The following MANBA variants were observed in gnomAD, a reference collection of about 807,000 sequenced individuals.
MANBA encodes mannosidase beta.
A neutral mutation model predicts 111.1 loss-of-function variants in MANBA; 83 were observed. The observed-to-expected ratio is 0.75, with a 90% CI of 0.63 to 0.90. MANBA has a LOEUF of 0.90. Among genes scored for constraint, MANBA ranks in the 40% least tolerant of loss-of-function variants. The probability of loss-of-function intolerance (pLI) is 0.00; values close to 1 mark genes in which losing one functional copy is unlikely to be tolerated. For missense variants in MANBA, 1,036 were observed against 1,069.0 expected (o/e 0.97, Z 0.43); for synonymous variants, 370 against 378.7 (o/e 0.98, Z 0.27).
At position 102,714,507 on chromosome 4, in the gene MANBA, A is replaced by C; in HGVS notation, c.604T>G (p.Trp202Gly). ...TAGGCTTCAATTCTAACATCTTTCCAGATTCCCTGGGTAGGAAAGGAAGGC... is the reference window on the plus strand; with the variant it reads ...TAGGCTTCAATTCTAACATCTTTCCCGATTCCCTGGGTAGGAAAGGAAGGC... ...WGPSFPTQGI[W>G]KDVRIEAYNI... The change falls in exon 5 of 17, where the codon TGG becomes GGG. Residue 202 changes from tryptophan (W) to glycine (G), a missense_variant. Transcript: ENST00000647097. The C allele has an allele frequency of 6.2e-7, 1 of 1,605,354 alleles. No homozygotes were observed. Among genetic ancestry groups the C allele is most frequent in the Non-Finnish European group, 8.5e-7 (1 of 1,172,004 alleles).
chr4:102,644,052 C>A (rs182425553), intron 13 of MANBA, among the ~76,000 whole-genome samples: 15 of 152,120 alleles, frequency 9.9e-5, no homozygotes, highest in Admixed American at 4.6e-4. Context: ...GATCTTTGAT[C>A]CATTTTGAGT....
intron 7 of MANBA, among the ~76,000 whole-genome samples, chr4:102,676,007 C>T (rs529498059): frequency 7.6e-4 from 116 of 152,154 alleles, no homozygotes; most frequent in Non-Finnish European, 3.2e-4. Context: ...CAACCTATAA[C>T]TGCACTATCT....
chr4:102,710,549 T>G (rs10008821), intron 5 of MANBA, among the ~76,000 whole-genome samples: 4,225 of 152,074 alleles, frequency 0.028, 136 homozygotes, highest in African/African-American at 0.078. Flanking sequence ...TGCTCATGGG[T>G]TGGAAGAATT....
chr4:102,737,746 T>A (rs2110203649), intron 1 of MANBA, among the ~76,000 whole-genome samples: 1 of 152,254 alleles, frequency 6.6e-6, no homozygotes, highest in East Asian at 1.9e-4. Context: ...CCTCCCAAAC[T>A]GCTGGGATGA....
chr4:102,659,517 T>C (rs1578877587), intron 11 of MANBA, among the ~76,000 whole-genome samples: 1 of 152,190 alleles, frequency 6.6e-6, no homozygotes, highest in Non-Finnish European at 1.5e-5. Context: ...TTTGGTACTA[T>C]AGCCAACAAA....
chr4:102,695,681 T>G (rs1732674233), intron 5 of MANBA, among the ~76,000 whole-genome samples: 2 of 152,096 alleles, frequency 1.3e-5, no homozygotes, highest in South Asian at 4.1e-4. Flanking sequence ...AGGCCAAGGG[T>G]CCAGGTTTCC....
rs1724202035 is a variant in MANBA, at chr4:102,760,574, G to T, written c.177+144C>A. ...CCCCATAGCTTGGGCATTTCCCCCC[G>T]CAGATCACAAGATGCAAAGGGGAAG... On this transcript the variant is annotated intron_variant, in intron 1 of 16. Coordinates refer to ENST00000647097, the MANE Select transcript of MANBA (RefSeq NM_005908.4). The T allele has an allele frequency of 4.3e-6, 4 of 931,638 alleles. No individual in the cohort carries two copies. The Admixed American group carries it at 8.8e-5, about 21-fold the overall frequency. The allele number at this position is 931,638 out of a possible 1,614,324, so 57.7% of individuals were successfully genotyped here.
intron 13 of MANBA, among the ~76,000 whole-genome samples, chr4:102,641,713 A>C (rs188749486): frequency 6.6e-6 from 1 of 152,296 alleles, no homozygotes; most frequent in East Asian, 1.9e-4. Flanking sequence ...CATTATCTGC[A>C]AGATATATTT....
chr4:102,723,789 TTTCTC>T (rs1560798602), intron 3 of MANBA, 68 bp downstream of exon 3: 2 of 828,478 alleles, frequency 2.4e-6, no homozygotes, highest in Non-Finnish European at 4.0e-6. Flanking sequence ...TGCATTTACT[TTTCTC>T]TACTCACAAA....
At chr4:102,715,132 G>A (rs532567572) in intron 4 of MANBA, among the ~76,000 whole-genome samples, 2 of 152,212 alleles carry the variant, frequency 1.3e-5, no homozygotes, top group South Asian at 4.1e-4. Context: ...CCAGCATATA[G>A]CAAAAATGAT....
chr4:102,668,924 T>C lies in MANBA; in HGVS notation c.1317+39A>G, dbSNP rs770158586. 43 of 1,492,870 alleles carry C rather than the reference T, an allele frequency of 2.9e-5. No individual in the cohort carries two copies. The South Asian group carries it at 5.0e-4, about 17-fold the overall frequency. 92.5% of individuals were successfully genotyped at this position (1,492,870 alleles called of 1,614,324 possible). A position where few individuals can be genotyped will look rare whatever the true frequency, so the allele number is the denominator to read the frequency against. ...TAACAAAAGGCAATACTAAAACATA[T>C]TATTTGTTTTATTTCTTCTTGGAAG... is the stretch of plus-strand genomic sequence containing the variant. On this transcript the variant is annotated intron_variant, in intron 10 of 16. Transcript: ENST00000647097.
chr4:102,760,873 G>A lies in MANBA; in HGVS notation c.22C>T (p.Leu8=), dbSNP rs1282590012. MRLHLLL[L]LALCGAGTTA... ...GTGCCTGCACCGCACAGCGCGAGCA[G>A]CAGGAGCAGGTGGAGGCGCATCTTG... The change falls in exon 1 of 17, where the codon CTG becomes TTG. Residue 8 remains leucine, a synonymous_variant. Transcript: ENST00000647097. 6.4e-6 allele frequency: 10 copies of A among 1,571,070 alleles called. No individual in the cohort carries two copies. The highest frequency in any genetic ancestry group is 8.6e-6 in the Non-Finnish European group (10 of 1,160,256).
chr4:102,750,449 A>G (rs1387777364), intron 1 of MANBA, among the ~76,000 whole-genome samples: 2 of 152,182 alleles, frequency 1.3e-5, no homozygotes, highest in African/African-American at 4.8e-5. Context: ...ATGTATGTTT[A>G]GTCATTTTGG....
At chr4:102,742,025 T>C (rs1314045585) in intron 1 of MANBA, among the ~76,000 whole-genome samples, 1 of 152,196 alleles carries the variant, frequency 6.6e-6, no homozygotes, top group Non-Finnish European at 1.5e-5. Context: ...CAGGGCATGG[T>C]AATACTATGA....
chr4:102,739,777 T>C (rs935767537), intron 1 of MANBA, among the ~76,000 whole-genome samples: 5 of 152,212 alleles, frequency 3.3e-5, no homozygotes, highest in Non-Finnish European at 5.9e-5. Flanking sequence ...AAAATTGGCA[T>C]AGAAGGGACA....
At chr4:102,727,753 T>C in intron 1 of MANBA, 2 of 773,890 alleles carry the variant, frequency 2.6e-6, no homozygotes, top group Non-Finnish European at 4.5e-6. Flanking sequence ...GTGTTTTCCA[T>C]AAAAATGTTT....
At chr4:102,687,210 T>C (rs1732256998) in intron 7 of MANBA, among the ~76,000 whole-genome samples, 2 of 152,100 alleles carry the variant, frequency 1.3e-5, no homozygotes, top group Admixed American at 1.3e-4. Context: ...ATATCCTAAA[T>C]CTCTTTCAGA....
rs776399557 is a variant in MANBA, at chr4:102,671,319, C to T, written c.1192G>A (p.Asp398Asn). The stretch of plus-strand genomic sequence containing the variant: ...TCATCACAGAGTTCATAGAATTCAT[C>T]CTGCTCATAAATTCCTCCTCCCCAA... ...RVWGGGIYEQ[D>N]EFYELCDELG... is the part of the protein sequence containing the mutation. The change falls in exon 9 of 17, where the codon GAT (aspartate) becomes AAT (asparagine). Residue 398 changes from aspartate to asparagine, a missense_variant. Asp to Asn is a conservative substitution (Grantham distance 23). Transcript: ENST00000647097. 3.1e-6 allele frequency: 5 copies of T among 1,601,062 alleles called. No individual in the cohort carries two copies. Among genetic ancestry groups the T allele is most frequent in the Non-Finnish European group, 4.3e-6 (5 of 1,168,384 alleles).
intron 1 of MANBA, among the ~76,000 whole-genome samples, chr4:102,743,152 T>C (rs574656118): frequency 1.3e-5 from 2 of 152,360 alleles, no homozygotes; most frequent in South Asian, 4.1e-4. Flanking sequence ...TCACATGGGA[T>C]ACAAATATCT....
Sources: allele counts gnomAD v4.1 joint callset (sites outside exome capture counted in the v4.1 genomes callset), GRCh38; gene constraint gnomAD v4.1.1; transcripts MANE v1.5; gene names NCBI Gene and HGNC (gene_info 2026-07-23, HGNC 2026-07-21).